The following PPP5C variants were observed in gnomAD, a reference collection of about 807,000 sequenced individuals.
PPP5C encodes protein phosphatase 5 catalytic subunit.
A neutral mutation model predicts 66.7 loss-of-function variants in PPP5C; 21 were observed. That is an observed-to-expected ratio of 0.31 (90% CI 0.22 to 0.45). The LOEUF (loss-of-function observed/expected upper bound fraction) is 0.45. Ranked by LOEUF, PPP5C falls within the 20% of genes least tolerant of loss-of-function variation. The pLI, the probability that PPP5C is intolerant of heterozygous loss-of-function variation, is 1.00. For missense variants in PPP5C, 464 were observed against 675.9 expected (o/e 0.69, Z 3.48); for synonymous variants, 246 against 257.4 (o/e 0.96, Z 0.43).
At chr19:46,356,183 A>T (rs552453503) in intron 2 of PPP5C, among the ~76,000 whole-genome samples, 30 of 152,280 alleles carry the variant, frequency 2.0e-4, no homozygotes, top group African/African-American at 7.2e-4. Flanking sequence ...AGAGTCTTTT[A>T]CAGAATACCC....
chr19:46,381,866 A>C (rs1031348739), intron 4 of PPP5C: 4 of 152,178 alleles, frequency 2.6e-5, no homozygotes, highest in African/African-American at 4.8e-5. Context: ...TTTCTTTACC[A>C]CCGGCTTTAA....
chr19:46,390,144 C>T lies in PPP5C; in HGVS notation c.1437+12C>T, dbSNP rs1453999951. The T allele has an allele frequency of 6.2e-7, 1 of 1,613,322 alleles. No individual in the cohort carries two copies. Among genetic ancestry groups the T allele is most frequent in the Non-Finnish European group, 8.5e-7 (1 of 1,179,310 alleles). Reference sequence around the variant, plus strand: ...AGTTCACAGCAGTGGTGAGTCACCCCTCAGGGCCCCTGCCCCTTCCATCCC... The same window carrying T: ...AGTTCACAGCAGTGGTGAGTCACCCTTCAGGGCCCCTGCCCCTTCCATCCC... On this transcript the variant is annotated intron_variant, in intron 12 of 12. Transcript: ENST00000012443.
intron 1 of PPP5C, among the ~76,000 whole-genome samples, chr19:46,348,409 G>A (rs1052636528): frequency 6.6e-6 from 1 of 150,806 alleles, no homozygotes; most frequent in Admixed American, 6.6e-5. Context: ...CGCCTCCCTG[G>A]TTCAAGCGAT....
Position 46,390,278 on chromosome 19 carries a change from C to T in PPP5C, c.1438-6C>T. The T allele has an allele frequency of 1.3e-6, 2 of 1,593,078 alleles. No individual in the cohort carries two copies. Among genetic ancestry groups the T allele is most frequent in the Non-Finnish European group, 1.7e-6 (2 of 1,169,694 alleles). Reference sequence around the variant, plus strand: ...TCTGTCCATCCCACCTGCCCTGGTCCCACAGCCTCATCCCAACGTCAAGCC... The same window carrying T: ...TCTGTCCATCCCACCTGCCCTGGTCTCACAGCCTCATCCCAACGTCAAGCC... On this transcript the variant is annotated splice_polypyrimidine_tract_variant and splice_region_variant and intron_variant, in intron 12 of 12. Coordinates refer to ENST00000012443, the MANE Select transcript of PPP5C (RefSeq NM_006247.4).
rs1158423038 is a variant in PPP5C, at chr19:46,363,307, C to CAAA, written c.363+9356_363+9358dup. ...TGGGCGACAGAGCGAGACTCCATCT[C>CAAA]AAAAAAAAAAAAAAAAAAAAAAAAA... is the stretch of plus-strand genomic sequence containing the variant. On this transcript the variant is annotated intron_variant, in intron 2 of 12. Transcript: ENST00000012443. Among the ~76,000 whole-genome samples the CAAA allele has an allele frequency of 1.8e-4, 5 of 27,948 alleles. 1 individual carries two copies. Among genetic ancestry groups the CAAA allele is most frequent in the Non-Finnish European group, 1.1e-4 (2 of 18,066 alleles). 18.3% of individuals were successfully genotyped at this position (27,948 alleles called of 152,430 possible).
chr19:46,347,112 G>A lies in PPP5C; in HGVS notation c.16G>A (p.Gly6Ser), dbSNP rs1460002870. 9 of 1,603,620 alleles carry A rather than the reference G, an allele frequency of 5.6e-6. No individual in the cohort carries two copies. In the South Asian group the frequency reaches 6.7e-5, roughly 12 times the overall value. Residue 6 changes from glycine to serine, a missense_variant, in exon 1 of 13, where the codon GGC becomes AGC. Physicochemically the swap from Gly to Ser is moderately conservative, Grantham distance 56. This residue lies in a region of PPP5C where 77 missense variants were observed against 49.9 expected (regional missense o/e 1.54). Coordinates refer to ENST00000012443, the MANE Select transcript of PPP5C (RefSeq NM_006247.4). ...GCTTTGCGGCATGGCGATGGCGGAGGGCGAGAGGACTGAGTGTGCTGAGCC... is the reference window on the plus strand; with the variant it reads ...GCTTTGCGGCATGGCGATGGCGGAGAGCGAGAGGACTGAGTGTGCTGAGCC... MAMAEGERTECAEPPR... is the reference protein window; with the variant it reads MAMAESERTECAEPPR...
chr19:46,383,683 T>C lies in PPP5C; in HGVS notation c.700-97T>C. 9.0e-7 allele frequency: 1 copy of C among 1,108,732 alleles called. No homozygotes were observed. Among genetic ancestry groups the C allele is most frequent in the Middle Eastern group, 2.0e-4 (1 of 4,930 alleles). The allele number at this position is 1,108,732 out of a possible 1,614,324, so 68.7% of individuals were successfully genotyped here. On this transcript the variant is annotated intron_variant, in intron 5 of 12. Coordinates refer to ENST00000012443, the MANE Select transcript of PPP5C (RefSeq NM_006247.4). This position sits in a 1 kb window ranked among gnomAD's most constrained non-coding sequence, Gnocchi z 5.0. ...GCTTGTGTCTCTTGCATGATTCTTC[T>C]TGGTCTACTGTGAACTCTTACCCTT...
In PPP5C at chr19:46,375,659, A is replaced by G; in HGVS notation, c.419A>G (p.Asn140Ser). Residue 140 changes from asparagine (N) to serine (S), a missense_variant, in exon 3 of 13, where the codon AAC (asparagine) becomes AGC (serine). Asn to Ser is a conservative substitution (Grantham distance 46). Transcript: ENST00000012443. ...KDAKMKYQEC[N>S]KIVKQKAFER... ...GCCAAAATGAAATACCAGGAGTGCA[A>G]CAAGATCGTGAAGCAGAAGGCCTTT... 1 of 1,614,044 alleles carries G rather than the reference A, an allele frequency of 6.2e-7. No homozygotes were observed. The highest frequency in any genetic ancestry group is 1.7e-5 in the Admixed American group (1 of 60,000).
chr19:46,353,630 G>A, intron 1 of PPP5C, 118 bp from the exon 2 acceptor site: 1 of 1,439,748 alleles, frequency 6.9e-7, no homozygotes, highest in Non-Finnish European at 9.5e-7. Context: ...ATGTCTCTGG[G>A]CTCAGGGTAG....
chr19:46,376,511 C>T lies in PPP5C; in HGVS notation c.570C>T (p.Phe190=), dbSNP rs779532688. 1.9e-6 allele frequency: 3 copies of T among 1,613,892 alleles called. No homozygotes were observed. The Admixed American group carries it at 5.0e-5, about 27-fold the overall frequency. Residue 190 remains phenylalanine, a synonymous_variant, in exon 4 of 13, where the codon TTC becomes TTT. Coordinates refer to ENST00000012443, the MANE Select transcript of PPP5C (RefSeq NM_006247.4). This position sits in a 1 kb window ranked among gnomAD's most constrained non-coding sequence, Gnocchi z 5.1. ...KLEDGKVTIS[F]MKELMQWYKD... is the part of the protein sequence containing the mutation. ...AAGACGGCAAAGTGACAATCAGTTT[C>T]ATGAAGGAGCTCATGCAGTGGTACA...
chr19:46,380,918 T>TG (rs1361002213), intron 4 of PPP5C, among the ~76,000 whole-genome samples: 1 of 152,212 alleles, frequency 6.6e-6, no homozygotes, highest in Non-Finnish European at 1.5e-5. Flanking sequence ...TCATTAGTTT[T>TG]GGAAAGTTCT....
chr19:46,378,166 A>T (rs1972729223), intron 4 of PPP5C, among the ~76,000 whole-genome samples: 2 of 152,256 alleles, frequency 1.3e-5, no homozygotes, highest in Admixed American at 1.3e-4. Context: ...GCAGTAAGTT[A>T]GCTGCGTCCC....
rs1201882670 is a variant in PPP5C at position 46,383,668 on chromosome 19, C to G, written c.700-112C>G. On this transcript the variant is annotated intron_variant, in intron 5 of 12. Transcript: ENST00000012443. This position sits in a 1 kb window ranked among gnomAD's most constrained non-coding sequence, Gnocchi z 5.0. Reference sequence around the variant, plus strand: ...TCGTTTGTGTTCCCTGCTTGTGTCTCTTGCATGATTCTTCTTGGTCTACTG... The same window carrying G: ...TCGTTTGTGTTCCCTGCTTGTGTCTGTTGCATGATTCTTCTTGGTCTACTG... 5 of 1,056,586 alleles carry G rather than the reference C, an allele frequency of 4.7e-6. No individual in the cohort carries two copies. Among genetic ancestry groups the G allele is most frequent in the Non-Finnish European group, 7.1e-6 (5 of 706,562 alleles). The allele number at this position is 1,056,586 out of a possible 1,614,324, so 65.5% of individuals were successfully genotyped here.
intron 4 of PPP5C, chr19:46,382,989 A>G: frequency 9.2e-7 from 1 of 1,089,938 alleles, no homozygotes; most frequent in Non-Finnish European, 1.1e-6. Context: ...TGAAAGCACC[A>G]GTGTTGCCTA....
At chr19:46,348,307 AT>A (rs35992791) in intron 1 of PPP5C, among the ~76,000 whole-genome samples, 45,129 of 111,256 alleles carry the variant, frequency 0.41, 9,131 homozygotes, top group African/African-American at 0.66. Flanking sequence ...CCAGTTTGGA[AT>A]TTTTTTTTTT....
rs150733507 is a variant in PPP5C at position 46,361,742 on chromosome 19, C to T, written c.363+7753C>T. Among the ~76,000 whole-genome samples the T allele has an allele frequency of 2.0e-3, 296 of 149,034 alleles. 3 individuals carry two copies. The highest frequency in any genetic ancestry group is 6.9e-3 in the African/African-American group (280 of 40,496). On this transcript the variant is annotated intron_variant, in intron 2 of 12. Coordinates refer to ENST00000012443, the MANE Select transcript of PPP5C (RefSeq NM_006247.4). ...ATCGTGCCATTGCACTCTAGCCTGG[C>T]GACAGAGCCAGACTCCGTCTCAAAA...
chr19:46,387,814 CTGTG>C (rs1421071831), intron 9 of PPP5C: 10 of 1,021,700 alleles, frequency 9.8e-6, no homozygotes, highest in African/African-American at 8.3e-5. Context: ...CACGTGCACA[CTGTG>C]AGTGCTGCAG....
Position 46,383,931 on chromosome 19 carries a change from C to A in PPP5C, c.798+53C>A. On this transcript the variant is annotated intron_variant, in intron 6 of 12. Transcript: ENST00000012443. This position sits in a 1 kb window ranked among gnomAD's most constrained non-coding sequence, Gnocchi z 5.0. ...CCCCACCTCCACCCCCAGCCGCAGC[C>A]TCAGGTCTGCACAGAGTGGGAGGAG... The A allele has an allele frequency of 7.0e-7, 1 of 1,431,842 alleles. No homozygotes were observed. The highest frequency in any genetic ancestry group is 1.2e-5 in the South Asian group (1 of 86,936). 88.7% of individuals were successfully genotyped at this position (1,431,842 alleles called of 1,614,324 possible).
intron 2 of PPP5C, among the ~76,000 whole-genome samples, chr19:46,361,107 C>T (rs1318160005): frequency 6.7e-6 from 1 of 149,618 alleles, no homozygotes; most frequent in Admixed American, 6.7e-5. Context: ...TTGCAATTTA[C>T]CCAAAAGATA....
Sources: gnomAD v4.1 joint callset for allele counts (sites outside exome capture counted in the v4.1 genomes callset) on GRCh38, gnomAD v4.1.1 for gene constraint, gnomAD v4.1.1 regional missense constraint, Gnocchi (gnomAD v3.1) non-coding constraint, MANE v1.5 for transcripts, NCBI Gene and HGNC (gene_info 2026-07-23, HGNC 2026-07-21) for gene names.